XKR4: variants seen among roughly 807,000 people sequenced by gnomAD.
XKR4 encodes XK-related protein 4.
A neutral mutation model predicts 53.9 loss-of-function variants in XKR4; 12 were observed. That is an observed-to-expected ratio of 0.22 (90% CI 0.14 to 0.36). The LOEUF (loss-of-function observed/expected upper bound fraction) is 0.36. Among genes scored for constraint, XKR4 ranks in the 10% least tolerant of loss-of-function variants. XKR4 has a pLI of 1.00. For missense variants in XKR4, 799 were observed against 859.5 expected, an observed-to-expected ratio of 0.93 and a Z score of 0.88; for synonymous variants, 354 against 362.4, an observed-to-expected ratio of 0.98 and a Z score of 0.26.
At chr8:55,251,119 ACAG>A (rs1263983899) in intron 1 of XKR4, among the ~76,000 whole-genome samples, 84 of 152,368 alleles carry the variant, frequency 5.5e-4, no homozygotes, top group African/African-American at 1.9e-3. Flanking sequence ...AAGTACAGTT[ACAG>A]GTGTAGTGTA....
chr8:55,418,984 A>G (rs373223470), intron 2 of XKR4, among the ~76,000 whole-genome samples: 62 of 152,036 alleles, frequency 4.1e-4, no homozygotes, highest in Middle Eastern at 6.8e-3. Context: ...GTAGAATATG[A>G]GCTCCATCAG....
At chr8:55,327,534 C>T (rs2129380276) in intron 1 of XKR4, among the ~76,000 whole-genome samples, 1 of 152,184 alleles carries the variant, frequency 6.6e-6, no homozygotes, top group African/African-American at 2.4e-5. Context: ...AGAGGTCAAA[C>T]TAGAGTTAAA....
Position 55,461,051 on chromosome 8 carries a change from G to C in XKR4, c.1007-62230G>C, listed in dbSNP as rs188785173. 7.9e-4 allele frequency among the ~76,000 whole-genome samples: 120 copies of C among 152,360 alleles called. 1 individual carries two copies. The highest frequency in any genetic ancestry group is 2.8e-3 in the African/African-American group (118 of 41,592). ...CTCTGTAGGCTCCACCTCTGGGACA[G>C]GGCACAGACAAACAAAAGACAGCAA... On this transcript the variant is annotated intron_variant, in intron 2 of 2. Coordinates refer to ENST00000327381, the MANE Select transcript of XKR4 (RefSeq NM_052898.2).
rs754323633 is a variant in XKR4 at position 55,523,976 on chromosome 8, G to T, written c.1702G>T (p.Gly568Trp). The T allele has an allele frequency of 6.2e-7, 1 of 1,614,166 alleles. No individual in the cohort carries two copies. Among genetic ancestry groups the T allele is most frequent in the Admixed American group, 1.7e-5 (1 of 60,030 alleles). ...DRDQKFAERDGCVPVFQVRPT... is the reference protein window; with the variant it reads ...DRDQKFAERDWCVPVFQVRPT... ...CGATCAGAAATTCGCAGAGCGGGAT[G>T]GGTGTGTACCTGTCTTTCAAGTGAG... Residue 568 changes from glycine to tryptophan, a missense_variant, in exon 3 of 3, where the codon GGG becomes TGG. Physicochemically the swap from Gly to Trp is radical, Grantham distance 184. Around this residue, in one of 3 missense-constraint regions of XKR4, gnomAD observed 269 missense variants for 264.4 expected, o/e 1.02. Transcript: ENST00000327381.
Position 55,523,871 on chromosome 8 carries a change from G to A in XKR4, c.1597G>A (p.Ala533Thr), listed in dbSNP as rs755320377. 5.0e-6 allele frequency: 8 copies of A among 1,614,150 alleles called. No homozygotes were observed. Among genetic ancestry groups the A allele is most frequent in the Non-Finnish European group, 6.8e-6 (8 of 1,180,016 alleles). Residue 533 changes from alanine to threonine, a missense_variant, in exon 3 of 3, where the codon GCT becomes ACT. Around this residue, in one of 3 missense-constraint regions of XKR4, gnomAD observed 269 missense variants for 264.4 expected, o/e 1.02. Transcript: ENST00000327381. ...SPSCACEDPAAAFTLPPDVAT... is the reference protein window; with the variant it reads ...SPSCACEDPATAFTLPPDVAT... ...AAGTTGTGCTTGTGAGGACCCAGCC[G>A]CTGCCTTCACTTTGCCCCCAGACGT... is the stretch of plus-strand genomic sequence containing the variant.
intron 2 of XKR4, among the ~76,000 whole-genome samples, chr8:55,369,397 G>GAGGGA (rs1418567200): frequency 3.3e-5 from 2 of 60,922 alleles, no homozygotes; most frequent in Admixed American, 1.5e-4. Context: ...GAGGGGAGGG[G>GAGGGA]AGGGGAGGGA....
At chr8:55,522,739 G>A (rs553209045) in intron 2 of XKR4, among the ~76,000 whole-genome samples, 7 of 152,204 alleles carry the variant, frequency 4.6e-5, no homozygotes, top group Admixed American at 6.5e-5. Context: ...GACAGCCTCC[G>A]GTCCATGGTT....
At chr8:55,450,871 TC>T in intron 2 of XKR4, 3 of 466,398 alleles carry the variant, frequency 6.4e-6, no homozygotes, top group South Asian at 2.0e-5. Context: ...GTCCAGGAGC[TC>T]CCCCCTCCCA....
Position 55,463,376 on chromosome 8 carries a change from C to T in XKR4, c.1007-59905C>T, listed in dbSNP as rs552635014. Reference sequence around the variant, plus strand: ...TGAACAACCTGCTCCTGAATGACTACGGGGTACATAACGAAATGAAGGCAG... The same window carrying T: ...TGAACAACCTGCTCCTGAATGACTATGGGGTACATAACGAAATGAAGGCAG... On this transcript the variant is annotated intron_variant, in intron 2 of 2. Transcript: ENST00000327381. 2.4e-3 allele frequency among the ~76,000 whole-genome samples: 358 copies of T among 151,686 alleles called. 3 individuals carry two copies. The highest frequency in any genetic ancestry group is 7.9e-3 in the African/African-American group (327 of 41,428).
intron 1 of XKR4, among the ~76,000 whole-genome samples, chr8:55,221,659 C>T (rs548427270): frequency 2.6e-5 from 4 of 152,310 alleles, no homozygotes; most frequent in South Asian, 2.1e-4. Context: ...CCACCCCCAT[C>T]GCTCTCTTCA....
At chr8:55,350,163 AT>A (rs1803705736) in intron 1 of XKR4, among the ~76,000 whole-genome samples, 1 of 152,164 alleles carries the variant, frequency 6.6e-6, no homozygotes, top group Non-Finnish European at 1.5e-5. Flanking sequence ...GGTTTTAACC[AT>A]TTTTTGTACT....
At chr8:55,454,368 C>T in intron 2 of XKR4, 2 of 1,508,256 alleles carry the variant, frequency 1.3e-6, no homozygotes, top group Non-Finnish European at 1.8e-6. Flanking sequence ...AGGATGGGCA[C>T]ATAGGTGAAG....
intron 2 of XKR4, among the ~76,000 whole-genome samples, chr8:55,371,829 T>A (rs1804073387): frequency 6.6e-6 from 1 of 152,242 alleles, no homozygotes; most frequent in African/African-American, 2.4e-5. Context: ...GTGCTTGAAA[T>A]CAGCTCTATG....
intron 1 of XKR4, among the ~76,000 whole-genome samples, chr8:55,137,385 C>T (rs1816645746): frequency 6.6e-6 from 1 of 152,080 alleles, no homozygotes; most frequent in Non-Finnish European, 1.5e-5. Context: ...TATTGAGCAC[C>T]TGCTGTGATC....
At chr8:55,192,050 C>T (rs1817450039) in intron 1 of XKR4, among the ~76,000 whole-genome samples, 1 of 151,638 alleles carries the variant, frequency 6.6e-6, no homozygotes, top group Non-Finnish European at 1.5e-5. Flanking sequence ...TGTCTATGTA[C>T]TTGTTGACAA....
chr8:55,177,319 G>C lies in XKR4; in HGVS notation c.806+74025G>C, dbSNP rs189972265. Among the ~76,000 whole-genome samples, 504 of 152,344 alleles carry C rather than the reference G, an allele frequency of 3.3e-3. 3 individuals carry two copies. Among genetic ancestry groups the C allele is most frequent in the Non-Finnish European group, 5.3e-3 (363 of 68,034 alleles). ...CCCAAAGTGCTGGGATTACAGGCGT[G>C]AGCCACCATGCCTGACCACTTCTTA... On this transcript the variant is annotated intron_variant, in intron 1 of 2. Transcript: ENST00000327381.
chr8:55,504,628 T>C (rs1048295959), intron 2 of XKR4, among the ~76,000 whole-genome samples: 1 of 152,178 alleles, frequency 6.6e-6, no homozygotes, highest in Non-Finnish European at 1.5e-5. Flanking sequence ...GAGAAGGATT[T>C]ATGGTAATTC....
intron 1 of XKR4, among the ~76,000 whole-genome samples, chr8:55,121,597 G>A (rs760734082): frequency 4.6e-5 from 7 of 152,038 alleles, no homozygotes; most frequent in Non-Finnish European, 1.0e-4. Flanking sequence ...CTAGTGATTA[G>A]GTAGTTCTGT....
intron 2 of XKR4, among the ~76,000 whole-genome samples, chr8:55,467,517 G>A (rs896173237): frequency 2.6e-5 from 4 of 152,056 alleles, no homozygotes; most frequent in Non-Finnish European, 5.9e-5. Context: ...TGGGACTGGG[G>A]GCCATCTTAG....
Sources: allele counts gnomAD v4.1 joint callset (sites outside exome capture counted in the v4.1 genomes callset), GRCh38; gene constraint gnomAD v4.1.1; regional missense constraint gnomAD v4.1.1; transcripts MANE v1.5; gene names NCBI Gene and HGNC (gene_info 2026-07-23, HGNC 2026-07-21).